The following MOSMO variants were observed in gnomAD, a reference collection of about 807,000 sequenced individuals.
The protein encoded by MOSMO is modulator of smoothened protein.
A neutral mutation model predicts 18.4 loss-of-function variants in MOSMO; 5 were observed. The observed-to-expected ratio is 0.27, with a 90% confidence interval of 0.14 to 0.57. The LOEUF (loss-of-function observed/expected upper bound fraction) is 0.57. Among genes scored for constraint, MOSMO ranks in the 20% least tolerant of loss-of-function variants. MOSMO has a pLI of 0.92. For missense variants in MOSMO, 138 were observed against 211.8 expected (o/e 0.65, Z 2.16); for synonymous variants, 82 against 82.3 (o/e 1.00, Z 0.02).
chr16:22,036,797 T>C (rs1900118354), intron 1 of MOSMO, among the ~76,000 whole-genome samples: 1 of 152,194 alleles, frequency 6.6e-6, no homozygotes, highest in Non-Finnish European at 1.5e-5. Context: ...TGAAGGGCCT[T>C]TTACACTGTG....
chr16:22,017,144 C>T (rs1052691595), intron 1 of MOSMO, among the ~76,000 whole-genome samples: 2 of 151,996 alleles, frequency 1.3e-5, no homozygotes, highest in Non-Finnish European at 2.9e-5. Flanking sequence ...AGGTGGTGGG[C>T]CATATTGCAT....
At chr16:22,070,463 G>A (rs188675185) in intron 1 of MOSMO, among the ~76,000 whole-genome samples, 15 of 152,124 alleles carry the variant, frequency 9.9e-5, no homozygotes, top group African/African-American at 3.6e-4. Context: ...AAGACATGAA[G>A]GCAAGAGGAA....
chr16:22,085,414 C>T (rs1004648850), downstream of MOSMO: 1 of 152,100 alleles, frequency 6.6e-6, no homozygotes, highest in South Asian at 2.1e-4. Flanking sequence ...TCTAAATCTT[C>T]TCCTGATTTG....
At chr16:22,060,822 G>A (rs776954389) in intron 1 of MOSMO, among the ~76,000 whole-genome samples, 1 of 151,726 alleles carries the variant, frequency 6.6e-6, no homozygotes, top group Non-Finnish European at 1.5e-5. Context: ...GCAGTGAGCC[G>A]AGATCGCATC....
At chr16:22,092,058 T>TC (rs1168084186), downstream of MOSMO, 2 of 152,300 alleles carry the variant, frequency 1.3e-5, no homozygotes, top group Non-Finnish European at 2.9e-5. Flanking sequence ...GCAGATGATC[T>TC]CTTCTGATGC....
intron 1 of MOSMO, among the ~76,000 whole-genome samples, chr16:22,044,651 C>T (rs1180815639): frequency 6.6e-6 from 1 of 152,128 alleles, no homozygotes; most frequent in Non-Finnish European, 1.5e-5. Flanking sequence ...GGATACTCAA[C>T]CTGTACTACT....
chr16:22,080,863 G>A lies in MOSMO; in HGVS notation c.487G>A (p.Val163Ile). 2 of 1,404,106 alleles carry A rather than the reference G, an allele frequency of 1.4e-6. No individual in the cohort carries two copies. The highest frequency in any genetic ancestry group is 1.6e-5 in the South Asian group (1 of 62,332). 87.0% of individuals were successfully genotyped at this position (1,404,106 alleles called of 1,614,324 possible). Residue 163 changes from valine (V) to isoleucine (I), a missense_variant, in exon 3 of 3, where the codon GTT becomes ATT. Val to Ile is a conservative substitution (Grantham distance 29). Transcript: ENST00000542527. ...AGTAGGACTTCTATTTGCTGGCAAA[G>A]TTTGTTTACCAGGCTGATGAATGTC... is the stretch of plus-strand genomic sequence containing the variant. ...TIVGLLFAGK[V>I]CLPG
chr16:22,045,370 G>T (rs1289875050), intron 1 of MOSMO, among the ~76,000 whole-genome samples: 1 of 152,080 alleles, frequency 6.6e-6, no homozygotes, highest in Non-Finnish European at 1.5e-5. Flanking sequence ...GCATAGAAAG[G>T]CAGCGCTGGG....
intron 1 of MOSMO, among the ~76,000 whole-genome samples, chr16:22,067,543 G>A (rs761236921): frequency 4.6e-5 from 7 of 152,092 alleles, no homozygotes; most frequent in Non-Finnish European, 7.4e-5. Context: ...AGGGAACAGC[G>A]GGACATGTTC....
chr16:22,019,249 TC>T (rs1474722001), intron 1 of MOSMO, among the ~76,000 whole-genome samples: 1 of 152,202 alleles, frequency 6.6e-6, no homozygotes, highest in African/African-American at 2.4e-5. Flanking sequence ...CCTGCTTTTT[TC>T]CCCGCATGAA....
Position 22,074,218 on chromosome 16 carries a change from C to A in MOSMO, c.107-1269C>A, listed in dbSNP as rs1900917534. Among the ~76,000 whole-genome samples, 8 of 152,126 alleles carry A rather than the reference C, an allele frequency of 5.3e-5. 1 individual carries two copies. The highest frequency in any genetic ancestry group is 5.2e-4 in the Admixed American group (8 of 15,280). ...GTTCCCTTCACAGAAGACATTTGTT[C>A]GTGGCAAGTGCTATGATTTCGAGGT... is the stretch of plus-strand genomic sequence containing the variant. On this transcript the variant is annotated intron_variant, in intron 1 of 2. Transcript: ENST00000542527.
At chr16:22,023,349 C>T (rs941557352) in intron 1 of MOSMO, among the ~76,000 whole-genome samples, 1 of 152,120 alleles carries the variant, frequency 6.6e-6, no homozygotes, top group African/African-American at 2.4e-5. Flanking sequence ...TAGCTATTAT[C>T]GTGTAACCAT....
intron 2 of MOSMO, among the ~76,000 whole-genome samples, 191 bp from the exon 3 acceptor site, chr16:22,080,505 C>T (rs1354536854): frequency 6.6e-6 from 1 of 152,154 alleles, no homozygotes. Flanking sequence ...AAAGCCTAAC[C>T]TAGCTTTTAC....
At chr16:22,008,514 C>A in intron 1 of MOSMO, 107 bp downstream of exon 1, 1 of 701,440 alleles carries the variant, frequency 1.4e-6, no homozygotes, top group Non-Finnish European at 2.2e-6. Context: ...CGGCCGGAGG[C>A]TAGCCTGAGG....
chr16:22,022,812 A>T (rs1012433960), intron 1 of MOSMO, among the ~76,000 whole-genome samples: 2 of 152,080 alleles, frequency 1.3e-5, no homozygotes, highest in African/African-American at 4.8e-5. Context: ...CCAGTTTGCA[A>T]CCTAGAAGAC....
downstream of MOSMO, chr16:22,085,158 G>C (rs1273216733): frequency 6.6e-6 from 1 of 152,164 alleles, no homozygotes; most frequent in African/African-American, 2.4e-5. Context: ...AGCTCTCTCT[G>C]GGGGTGTCAA....
chr16:22,035,331 C>G (rs1900086270), intron 1 of MOSMO, among the ~76,000 whole-genome samples: 1 of 151,764 alleles, frequency 6.6e-6, no homozygotes, highest in East Asian at 1.9e-4. Flanking sequence ...TTGTTGAAAA[C>G]AGTGTGCTCT....
chr16:22,022,442 T>C (rs946742005), intron 1 of MOSMO, among the ~76,000 whole-genome samples: 2 of 152,194 alleles, frequency 1.3e-5, no homozygotes, highest in African/African-American at 2.4e-5. Flanking sequence ...TATATGCAGG[T>C]GCTGTGCTGC....
rs967870534 is a variant in MOSMO, at chr16:22,027,198, G to A, written c.106+18791G>A. The stretch of plus-strand genomic sequence containing the variant: ...ATAGTGCTTTCATTAGGTTAACTGC[G>A]TTTCTAAACACCTGGAGAAAATTAT... On this transcript the variant is annotated intron_variant, in intron 1 of 2. Coordinates refer to ENST00000542527, the MANE Select transcript of MOSMO (RefSeq NM_001164579.2). 2.4e-4 allele frequency among the ~76,000 whole-genome samples: 36 copies of A among 152,136 alleles called. 2 individuals are homozygous for A. The highest frequency in any genetic ancestry group is 1.3e-3 in the Admixed American group (20 of 15,276).
Sources: allele counts gnomAD v4.1 joint callset (sites outside exome capture counted in the v4.1 genomes callset), GRCh38; gene constraint gnomAD v4.1.1; transcripts MANE v1.5; gene names NCBI Gene and HGNC (gene_info 2026-07-23, HGNC 2026-07-21).